Variants in KLHL1 observed in about 807,000 individuals in gnomAD.
The protein encoded by KLHL1 is kelch-like protein 1.
Under a neutral mutation model 77.7 loss-of-function variants are expected in KLHL1, and 47 were observed. The observed-to-expected ratio is 0.60, with a 90% CI of 0.48 to 0.77. The LOEUF (loss-of-function observed/expected upper bound fraction) is 0.77, where lower values mean the gene tolerates loss of function less well. Ranked by LOEUF, KLHL1 falls within the 30% of genes least tolerant of loss-of-function variation. The pLI is 0.00. For synonymous variants in KLHL1, 360 were observed against 325.2 expected (o/e 1.11, Z -1.15); for missense variants, 925 against 910.8 (o/e 1.02, Z -0.20).
chr13:69,982,129 C>G (rs1318824806), intron 1 of KLHL1, among the ~76,000 whole-genome samples: 1 of 151,790 alleles, frequency 6.6e-6, no homozygotes, highest in Non-Finnish European at 1.5e-5. Flanking sequence ...AACTAAAAAG[C>G]AAAAACCTAT....
chr13:69,930,848 C>A (rs1184032472), intron 4 of KLHL1, among the ~76,000 whole-genome samples: 1 of 151,562 alleles, frequency 6.6e-6, no homozygotes, highest in Non-Finnish European at 1.5e-5. Flanking sequence ...TCAGTTAATG[C>A]TGATACAGGT....
Position 69,975,949 on chromosome 13 carries a change from A to C in KLHL1, c.498-147T>G, listed in dbSNP as rs1336049354. The C allele has an allele frequency of 4.8e-6, 5 of 1,045,664 alleles. No homozygotes were observed. The East Asian group carries it at 1.2e-4, about 26-fold the overall frequency. 64.8% of individuals were successfully genotyped at this position (1,045,664 alleles called of 1,614,324 possible). ...TATTTTTATATTTTAATACAACTTC[A>C]ATAAATAAAAGTCGAATAATCTATT... On this transcript the variant is annotated intron_variant, in intron 1 of 10. Transcript: ENST00000377844.
In KLHL1 at chr13:70,102,347, A is replaced by G. The variant is rs185812662; in HGVS notation, c.497+4856T>C. 4.0e-4 allele frequency among the ~76,000 whole-genome samples: 61 copies of G among 152,292 alleles called. No individual in the cohort carries two copies. The East Asian group carries it at 9.6e-3, about 24-fold the overall frequency. ...GGTTATATTTGCATATTGTTTATTA[A>G]TTATAAAATAAAATACACTGAATGA... On this transcript the variant is annotated intron_variant, in intron 1 of 10. Transcript: ENST00000377844.
chr13:69,821,814 ATT>A, intron 6 of KLHL1, among the ~76,000 whole-genome samples: 1 of 152,058 alleles, frequency 6.6e-6, no homozygotes, highest in Non-Finnish European at 1.5e-5. Flanking sequence ...CACATAAACT[ATT>A]TTCGACTAAC....
intron 1 of KLHL1, among the ~76,000 whole-genome samples, chr13:70,018,805 G>C (rs1885720055): frequency 6.6e-6 from 1 of 152,096 alleles, no homozygotes; most frequent in African/African-American, 2.4e-5. Flanking sequence ...TTAGAACAAA[G>C]TTACTTCTCA....
At chr13:69,780,061 G>A (rs1169079700) in intron 7 of KLHL1, among the ~76,000 whole-genome samples, 2 of 151,978 alleles carry the variant, frequency 1.3e-5, no homozygotes, top group South Asian at 2.1e-4. Context: ...ACCCACCTTG[G>A]CCTTCCAAAG....
At position 70,004,658 on chromosome 13, in the gene KLHL1, T is replaced by C. The variant is rs971135014; in HGVS notation, c.498-28856A>G. Among the ~76,000 whole-genome samples the C allele has an allele frequency of 8.6e-5, 13 of 151,988 alleles. 1 individual carries two copies. The highest frequency in any genetic ancestry group is 8.6e-4 in the Admixed American group (13 of 15,202). Reference sequence around the variant, plus strand: ...CTTTACATGACATATTTTAAAGTTGTCTGATAATTCTTAAAGGCAAACCAT... The same window carrying C: ...CTTTACATGACATATTTTAAAGTTGCCTGATAATTCTTAAAGGCAAACCAT... On this transcript the variant is annotated intron_variant, in intron 1 of 10. Coordinates refer to ENST00000377844, the MANE Select transcript of KLHL1 (RefSeq NM_020866.3).
intron 1 of KLHL1, among the ~76,000 whole-genome samples, chr13:70,067,723 C>G (rs918342357): frequency 3.3e-5 from 5 of 152,080 alleles, no homozygotes; most frequent in Non-Finnish European, 5.9e-5. Flanking sequence ...AATAAACAAT[C>G]AATGAGACTT....
intron 3 of KLHL1, among the ~76,000 whole-genome samples, chr13:69,959,100 A>G (rs2137266811): frequency 6.6e-6 from 1 of 152,212 alleles, no homozygotes; most frequent in East Asian, 1.9e-4. Context: ...AGCACAGGCC[A>G]AAGTGGCAGT....
At chr13:69,892,826 A>G (rs1190331481) in intron 4 of KLHL1, among the ~76,000 whole-genome samples, 1 of 152,230 alleles carries the variant, frequency 6.6e-6, no homozygotes. Context: ...ATTTTGTAGT[A>G]AAAGACAACA....
At chr13:70,038,906 C>A (rs998043097) in intron 1 of KLHL1, among the ~76,000 whole-genome samples, 1 of 151,884 alleles carries the variant, frequency 6.6e-6, no homozygotes. Context: ...GTTGGTTGTT[C>A]TAATACACGT....
At chr13:69,922,897 T>C (rs1010930710) in intron 4 of KLHL1, among the ~76,000 whole-genome samples, 1 of 152,176 alleles carries the variant, frequency 6.6e-6, no homozygotes, top group Non-Finnish European at 1.5e-5. Context: ...ATCACATTAA[T>C]ATATACTCTC....
chr13:69,893,459 C>A (rs1279028422), intron 4 of KLHL1, among the ~76,000 whole-genome samples: 1 of 152,028 alleles, frequency 6.6e-6, no homozygotes, highest in Non-Finnish European at 1.5e-5. Flanking sequence ...TGGTCTTGAT[C>A]TCCTGACCTC....
chr13:69,748,653 T>G (rs909307488), intron 7 of KLHL1, among the ~76,000 whole-genome samples: 1 of 151,984 alleles, frequency 6.6e-6, no homozygotes, highest in Admixed American at 6.6e-5. Context: ...TGTCCTAGTA[T>G]CCTCATCTTT....
chr13:70,025,030 T>C (rs960238344), intron 1 of KLHL1, among the ~76,000 whole-genome samples: 2 of 152,036 alleles, frequency 1.3e-5, no homozygotes, highest in African/African-American at 4.8e-5. Flanking sequence ...GATACTATAT[T>C]TCGAATGCAT....
intron 6 of KLHL1, among the ~76,000 whole-genome samples, chr13:69,819,209 G>A (rs1878242426): frequency 1.3e-5 from 2 of 152,106 alleles, no homozygotes; most frequent in Admixed American, 6.6e-5. Context: ...TGCAAAGAAT[G>A]ATGAGATGAA....
intron 1 of KLHL1, among the ~76,000 whole-genome samples, chr13:69,989,727 T>C (rs1884978026): frequency 6.6e-6 from 1 of 151,980 alleles, no homozygotes; most frequent in African/African-American, 2.4e-5. Context: ...TTGGCAACTG[T>C]GAATGAGATT....
intron 6 of KLHL1, among the ~76,000 whole-genome samples, chr13:69,829,177 A>T (rs1426029292): frequency 6.7e-6 from 1 of 150,150 alleles, no homozygotes; most frequent in African/African-American, 2.5e-5. Context: ...ACACAACTAC[A>T]ACCAAGGACC....
chr13:69,796,922 C>T lies in KLHL1; in HGVS notation c.1455G>A (p.Leu485=), dbSNP rs1336090373. The change falls in exon 7 of 11, where the codon CTG becomes CTA. Residue 485 remains leucine (L), a synonymous_variant. Transcript: ENST00000377844. ...CATTCATCATCCCTGCCTGGATCCA[C>T]AGATTTGTTCTCAGATCATATTTCT... ...TIEKYDLRTN[L]WIQAGMMNGR... 6.2e-6 allele frequency: 10 copies of T among 1,614,062 alleles called. No homozygotes were observed. The East Asian group carries it at 6.7e-5, about 11-fold the overall frequency.
Sources: gnomAD v4.1 joint callset for allele counts (sites outside exome capture counted in the v4.1 genomes callset) on GRCh38, gnomAD v4.1.1 for gene constraint, MANE v1.5 for transcripts, NCBI Gene and HGNC (gene_info 2026-07-23, HGNC 2026-07-21) for gene names.